The following KCNJ9 variants were observed in gnomAD, a reference collection of about 807,000 sequenced individuals.
KCNJ9 encodes potassium inwardly rectifying channel subfamily J member 9.
A neutral mutation model predicts 27.9 loss-of-function variants in KCNJ9; 18 were observed. The ratio of observed to expected loss-of-function variants is 0.65; its 90% CI spans 0.45 to 0.96. The LOEUF is 0.96. Among genes scored for constraint, KCNJ9 ranks in the 40% least tolerant of loss-of-function variants. KCNJ9 has a pLI of 0.00. For synonymous variants in KCNJ9, 229 were observed against 248.2 expected, an observed-to-expected ratio of 0.92 and a Z score of 0.73; for missense variants, 324 against 557.5, an observed-to-expected ratio of 0.58 and a Z score of 4.22.
At chr1:160,082,249 G>T (rs1032897229) in intron 1 of KCNJ9, among the ~76,000 whole-genome samples, 1 of 152,190 alleles carries the variant, frequency 6.6e-6, no homozygotes, top group African/African-American at 2.4e-5. Flanking sequence ...AGGATAATGG[G>T]AGCAGGGTCG....
At position 160,083,988 on chromosome 1, in the gene KCNJ9, C is replaced by A; in HGVS notation, c.-43C>A. On this transcript the variant is annotated 5_prime_UTR_variant, in exon 2 of 3. Coordinates refer to ENST00000368088, the MANE Select transcript of KCNJ9 (RefSeq NM_004983.3). Reference sequence around the variant, plus strand: ...CAGGTGGCAGCAGCTCGGGCCCCCGCCGCACTCCAGGCGCCCGCAGCGCTC... The same window carrying A: ...CAGGTGGCAGCAGCTCGGGCCCCCGACGCACTCCAGGCGCCCGCAGCGCTC... 8.1e-7 allele frequency: 1 copy of A among 1,231,724 alleles called. No individual in the cohort carries two copies. The highest frequency in any genetic ancestry group is 1.0e-6 in the Non-Finnish European group (1 of 990,782). 76.3% of individuals were successfully genotyped at this position (1,231,724 alleles called of 1,614,324 possible). A position where few individuals can be genotyped will look rare whatever the true frequency, so the allele number is the denominator to read the frequency against.
Position 160,087,844 on chromosome 1 carries a change from G to C in KCNJ9, c.*27G>C. The stretch of plus-strand genomic sequence containing the variant: ...CAGCTTCCTCCAGACCCCTGTGGCA[G>C]ACCGGGGGCCAGACACAGATACATG... On this transcript the variant is annotated 3_prime_UTR_variant, in exon 3 of 3. Transcript: ENST00000368088. 7.0e-7 allele frequency: 1 copy of C among 1,433,124 alleles called. No individual in the cohort carries two copies. Among genetic ancestry groups the C allele is most frequent in the Non-Finnish European group, 9.1e-7 (1 of 1,093,586 alleles). 88.8% of individuals were successfully genotyped at this position (1,433,124 alleles called of 1,614,324 possible). A position where few individuals can be genotyped will look rare whatever the true frequency, so the allele number is the denominator to read the frequency against.
At chr1:160,082,418 T>C (rs961649445) in intron 1 of KCNJ9, among the ~76,000 whole-genome samples, 19 of 152,168 alleles carry the variant, frequency 1.2e-4, no homozygotes, top group Admixed American at 9.8e-4. Flanking sequence ...CCTGACTCCA[T>C]GGACAATAAA....
chr1:160,085,015 G>A, intron 2 of KCNJ9, 135 bp downstream of exon 2: 1 of 1,038,806 alleles, frequency 9.6e-7, no homozygotes, highest in Non-Finnish European at 1.4e-6. Flanking sequence ...ACAGTGAGGT[G>A]AGACAGGGGT....
intron 2 of KCNJ9, 46 bp downstream of exon 2, chr1:160,084,926 C>A (rs1649750075): frequency 5.6e-6 from 5 of 900,322 alleles, no homozygotes; most frequent in Middle Eastern, 3.4e-4. Flanking sequence ...AGAGGGTGGG[C>A]GGGACCGAGG....
chr1:160,085,021 G>A, intron 2 of KCNJ9, 141 bp downstream of exon 2: 8 of 997,930 alleles, frequency 8.0e-6, no homozygotes, highest in South Asian at 3.4e-5. Context: ...AGGTGAGACA[G>A]GGGTCGGAGG....
Position 160,083,979 on chromosome 1 carries a change from G to C in KCNJ9, c.-52G>C, listed in dbSNP as rs577959880. The C allele has an allele frequency of 2.1e-4, 253 of 1,217,220 alleles. No individual in the cohort carries two copies. The highest frequency in any genetic ancestry group is 6.5e-4 in the Middle Eastern group (2 of 3,088). 75.4% of individuals were successfully genotyped at this position (1,217,220 alleles called of 1,614,324 possible). A position where few individuals can be genotyped will look rare whatever the true frequency, so the allele number is the denominator to read the frequency against. On this transcript the variant is annotated 5_prime_UTR_variant, in exon 2 of 3. Coordinates refer to ENST00000368088, the MANE Select transcript of KCNJ9 (RefSeq NM_004983.3). Reference sequence around the variant, plus strand: ...GACGCGCGGCAGGTGGCAGCAGCTCGGGCCCCCGCCGCACTCCAGGCGCCC... The same window carrying C: ...GACGCGCGGCAGGTGGCAGCAGCTCCGGCCCCCGCCGCACTCCAGGCGCCC...
chr1:160,084,030 C>T lies in KCNJ9; in HGVS notation c.-1C>T. The T allele has an allele frequency of 2.1e-6, 3 of 1,422,624 alleles. No individual in the cohort carries two copies. The highest frequency in any genetic ancestry group is 9.2e-7 in the Non-Finnish European group (1 of 1,092,720). 88.1% of individuals were successfully genotyped at this position (1,422,624 alleles called of 1,614,324 possible). On this transcript the variant is annotated 5_prime_UTR_variant, in exon 2 of 3. Transcript: ENST00000368088. Reference sequence around the variant, plus strand: ...GCAGCGCTCGCCCTGACGCGGCCGCCATGGCGCAGGAGAACGCGGCCTTCT... The same window carrying T: ...GCAGCGCTCGCCCTGACGCGGCCGCTATGGCGCAGGAGAACGCGGCCTTCT...
chr1:160,084,594 C>T lies in KCNJ9; in HGVS notation c.564C>T (p.Leu188=). 1 of 1,610,746 alleles carries T rather than the reference C, an allele frequency of 6.2e-7. No individual in the cohort carries two copies. Among genetic ancestry groups the T allele is most frequent in the Non-Finnish European group, 8.5e-7 (1 of 1,178,616 alleles). ...VVSLRDGRLC[L]MFRVGDLRSS... Reference sequence around the variant, plus strand: ...CGCTGCGCGACGGGCGCCTCTGCCTCATGTTCCGCGTGGGCGACTTGCGCT... The same window carrying T: ...CGCTGCGCGACGGGCGCCTCTGCCTTATGTTCCGCGTGGGCGACTTGCGCT... Residue 188 remains leucine, a synonymous_variant, in exon 2 of 3, where the codon CTC becomes CTT. Coordinates refer to ENST00000368088, the MANE Select transcript of KCNJ9 (RefSeq NM_004983.3).
At chr1:160,081,979 T>C (rs981751263) in intron 1 of KCNJ9, among the ~76,000 whole-genome samples, 1 of 152,208 alleles carries the variant, frequency 6.6e-6, no homozygotes, top group South Asian at 2.1e-4. Flanking sequence ...GATCTTGAGA[T>C]AGAGGTAACA....
chr1:160,085,832 T>C lies in KCNJ9; in HGVS notation c.850+952T>C, dbSNP rs185979283. On this transcript the variant is annotated intron_variant, in intron 2 of 2. Coordinates refer to ENST00000368088, the MANE Select transcript of KCNJ9 (RefSeq NM_004983.3). ...GTCCCTCCTCTGACGCCAGAGCTGC[T>C]GATGCTCCCTGCCGGCTTCGCTGAC... is the stretch of plus-strand genomic sequence containing the variant. Among the ~76,000 whole-genome samples, 618 of 152,332 alleles carry C rather than the reference T, an allele frequency of 4.1e-3. 5 individuals are homozygous for C. Among genetic ancestry groups the C allele is most frequent in the Non-Finnish European group, 7.4e-3 (506 of 68,012 alleles).
intron 1 of KCNJ9, 84 bp from the exon 2 acceptor site, chr1:160,083,833 G>C (rs1468795564): frequency 8.8e-6 from 3 of 341,646 alleles, no homozygotes; most frequent in African/African-American, 4.3e-5. Context: ...CTCGCCCAGG[G>C]CCCCCCAGGG....
In KCNJ9 at chr1:160,084,712, C is replaced by G. The variant is rs753112378; in HGVS notation, c.682C>G (p.Leu228Val). Residue 228 changes from leucine to valine, a missense_variant, in exon 2 of 3, where the codon CTC (leucine) becomes GTC (valine). Leu to Val is a conservative substitution (Grantham distance 32). Transcript: ENST00000368088. ...GEFIPLHQTD[L>V]SVGFDTGDDR... The stretch of plus-strand genomic sequence containing the variant: ...GTTCATCCCGCTGCACCAGACCGAC[C>G]TCAGCGTGGGCTTCGACACGGGAGA... The G allele has an allele frequency of 6.3e-7, 1 of 1,590,730 alleles. No individual in the cohort carries two copies.
At chr1:160,085,318 T>C (rs906451582) in intron 2 of KCNJ9, among the ~76,000 whole-genome samples, 3 of 152,262 alleles carry the variant, frequency 2.0e-5, no homozygotes, top group African/African-American at 7.2e-5. Flanking sequence ...TTAAGGAAGT[T>C]GTCCACTTTC....
chr1:160,082,945 G>A (rs1649708274), intron 1 of KCNJ9, among the ~76,000 whole-genome samples: 2 of 152,114 alleles, frequency 1.3e-5, no homozygotes, highest in Admixed American at 6.5e-5. Flanking sequence ...AGGTGGGGGC[G>A]GGGCTGGTGT....
chr1:160,083,905 A>T lies in KCNJ9; in HGVS notation c.-114-12A>T. On this transcript the variant is annotated splice_polypyrimidine_tract_variant and intron_variant, in intron 1 of 2. Transcript: ENST00000368088. ...TCCCGAGGGGCCACTCATTCGGCAAACCTTTATTAAGCCCCTCCAGGACCC... is the reference window on the plus strand; with the variant it reads ...TCCCGAGGGGCCACTCATTCGGCAATCCTTTATTAAGCCCCTCCAGGACCC... 1 of 894,306 alleles carries T rather than the reference A, an allele frequency of 1.1e-6. No homozygotes were observed. Among genetic ancestry groups the T allele is most frequent in the Non-Finnish European group, 1.4e-6 (1 of 698,072 alleles). 55.4% of individuals were successfully genotyped at this position (894,306 alleles called of 1,614,324 possible).
chr1:160,085,062 G>A (rs1038944795), intron 2 of KCNJ9, among the ~76,000 whole-genome samples, 182 bp downstream of exon 2: 1 of 152,210 alleles, frequency 6.6e-6, no homozygotes, highest in Admixed American at 6.5e-5. Flanking sequence ...GCCGCAGAAG[G>A]CCAAGAGAAA....
intron 1 of KCNJ9, among the ~76,000 whole-genome samples, chr1:160,082,215 G>A (rs1243732461): frequency 2.0e-5 from 3 of 152,200 alleles, no homozygotes; most frequent in Non-Finnish European, 2.9e-5. Context: ...GAGAACATCT[G>A]GAAGCCCACC....
rs1440255447 is a variant in KCNJ9, at chr1:160,084,009, C to G, written c.-22C>G. On this transcript the variant is annotated 5_prime_UTR_variant, in exon 2 of 3. Coordinates refer to ENST00000368088, the MANE Select transcript of KCNJ9 (RefSeq NM_004983.3). The stretch of plus-strand genomic sequence containing the variant: ...CCCGCCGCACTCCAGGCGCCCGCAG[C>G]GCTCGCCCTGACGCGGCCGCCATGG... The G allele has an allele frequency of 2.2e-5, 30 of 1,336,232 alleles. No homozygotes were observed. Among genetic ancestry groups the G allele is most frequent in the Non-Finnish European group, 2.9e-5 (30 of 1,050,550 alleles). 82.8% of individuals were successfully genotyped at this position (1,336,232 alleles called of 1,614,324 possible).
Sources: allele counts gnomAD v4.1 joint callset (sites outside exome capture counted in the v4.1 genomes callset), GRCh38; gene constraint gnomAD v4.1.1; transcripts MANE v1.5; gene names NCBI Gene and HGNC (gene_info 2026-07-23, HGNC 2026-07-21).